The following TRHR variants were observed in gnomAD, a reference collection of about 807,000 sequenced individuals.
The protein encoded by TRHR is thyrotropin releasing hormone receptor.
In TRHR, 14 loss-of-function variants were observed where a neutral mutation model predicts 28.0. The ratio of observed to expected loss-of-function variants is 0.50; its 90% CI spans 0.33 to 0.78. TRHR has a LOEUF of 0.78. Among genes scored for constraint, TRHR ranks in the 30% least tolerant of loss-of-function variants. TRHR has a pLI of 0.02. For missense variants in TRHR, 438 were observed against 469.5 expected (o/e 0.93, Z 0.62); for synonymous variants, 176 against 171.9 (o/e 1.02, Z -0.18).
At chr8:109,100,261 T>C (rs1811657479) in intron 2 of TRHR, among the ~76,000 whole-genome samples, 1 of 152,156 alleles carries the variant, frequency 6.6e-6, no homozygotes, top group Non-Finnish European at 1.5e-5. Context: ...AGATTCAGAG[T>C]ATATTTACGG....
chr8:109,090,861 G>A (rs1478954927), intron 2 of TRHR, among the ~76,000 whole-genome samples: 5 of 152,216 alleles, frequency 3.3e-5, no homozygotes, highest in Admixed American at 3.3e-4. Context: ...GAGCGACTTA[G>A]TTGTCTGAAA....
intron 2 of TRHR, 58 bp from the exon 3 acceptor site, chr8:109,118,990 G>T: frequency 1.2e-6 from 2 of 1,605,092 alleles, no homozygotes; most frequent in South Asian, 2.2e-5. Context: ...GAGAAGAAAG[G>T]GGGTTTTGTT....
rs1374594032 is a variant in TRHR, at chr8:109,087,739, T to A, written c.227T>A (p.Val76Glu). Residue 76 changes from valine (V) to glutamate (E), a missense_variant, in exon 2 of 3, where the codon GTG (valine) becomes GAG (glutamate). Val to Glu is a moderately radical substitution (Grantham distance 121). Coordinates refer to ENST00000518632, the MANE Select transcript of TRHR (RefSeq NM_003301.7). Reference protein sequence around the residue: ...SLAVADLMVLVAAGLPNITDS... With the variant: ...SLAVADLMVLEAAGLPNITDS... Reference sequence around the variant, plus strand: ...GCAGTAGCTGATCTCATGGTCTTGGTGGCCGCAGGCCTCCCCAACATAACA... The same window carrying A: ...GCAGTAGCTGATCTCATGGTCTTGGAGGCCGCAGGCCTCCCCAACATAACA... 6.2e-7 allele frequency: 1 copy of A among 1,614,178 alleles called. No homozygotes were observed. Among genetic ancestry groups the A allele is most frequent in the African/African-American group, 1.3e-5 (1 of 75,054 alleles).
At position 109,088,034 on chromosome 8, in the gene TRHR, T is replaced by C; in HGVS notation, c.522T>C (p.Ala174=). The C allele has an allele frequency of 2.5e-6, 4 of 1,614,142 alleles. No individual in the cohort carries two copies. Among genetic ancestry groups the C allele is most frequent in the Non-Finnish European group, 3.4e-6 (4 of 1,180,024 alleles). ...LDLNISTYKD[A]IVISCGYKIS... is the part of the protein sequence containing the mutation. ...TCAATATTAGCACCTACAAAGATGCTATTGTGATATCCTGTGGCTACAAGA... is the reference window on the plus strand; with the variant it reads ...TCAATATTAGCACCTACAAAGATGCCATTGTGATATCCTGTGGCTACAAGA... Residue 174 remains alanine, a synonymous_variant, in exon 2 of 3, where the codon GCT becomes GCC. Transcript: ENST00000518632.
At chr8:109,089,158 T>C (rs576521964) in intron 2 of TRHR, among the ~76,000 whole-genome samples, 2 of 152,240 alleles carry the variant, frequency 1.3e-5, no homozygotes, top group Non-Finnish European at 2.9e-5. Flanking sequence ...CATTTATCTA[T>C]ATACAATTGT....
chr8:109,102,451 C>G (rs899939225), intron 2 of TRHR, among the ~76,000 whole-genome samples: 1 of 152,016 alleles, frequency 6.6e-6, no homozygotes, highest in African/African-American at 2.4e-5. Context: ...GTCTGCAGCA[C>G]CTAGCACAGT....
intron 2 of TRHR, among the ~76,000 whole-genome samples, chr8:109,094,889 A>G (rs1811566233): frequency 6.6e-6 from 1 of 152,038 alleles, no homozygotes; most frequent in Non-Finnish European, 1.5e-5. Context: ...GAAGATGACA[A>G]ACTACTTTAT....
At chr8:109,104,801 T>G (rs1811725359) in intron 2 of TRHR, among the ~76,000 whole-genome samples, 1 of 151,986 alleles carries the variant, frequency 6.6e-6, no homozygotes, top group South Asian at 2.1e-4. Flanking sequence ...TATTTAAATA[T>G]TCTAGCCTAA....
chr8:109,119,351 A>G lies in TRHR; in HGVS notation c.1093A>G (p.Thr365Ala). The G allele has an allele frequency of 1.9e-6, 3 of 1,612,456 alleles. No homozygotes were observed. Among genetic ancestry groups the G allele is most frequent in the Non-Finnish European group, 2.5e-6 (3 of 1,179,030 alleles). The change falls in exon 3 of 3, where the codon ACA becomes GCA. Residue 365 changes from threonine (T) to alanine (A), a missense_variant. Coordinates refer to ENST00000518632, the MANE Select transcript of TRHR (RefSeq NM_003301.7). ...CATCAAGGAGTCAGACCATTTCAGC[A>G]CAGAGCTTGATGATATCACTGTCAC... ...SVIKESDHFSTELDDITVTDT... is the reference protein window; with the variant it reads ...SVIKESDHFSAELDDITVTDT...
chr8:109,092,764 C>T (rs773320462), intron 2 of TRHR, among the ~76,000 whole-genome samples: 29 of 151,906 alleles, frequency 1.9e-4, no homozygotes, highest in Non-Finnish European at 2.5e-4. Flanking sequence ...AAGTAATGCA[C>T]GCCTTTTGCT....
At position 109,087,664 on chromosome 8, in the gene TRHR, T is replaced by A; in HGVS notation, c.152T>A (p.Met51Lys). The A allele has an allele frequency of 6.2e-7, 1 of 1,614,124 alleles. No homozygotes were observed. The highest frequency in any genetic ancestry group is 2.2e-5 in the East Asian group (1 of 44,856). ...AACATCATGGTAGTCCTGGTTGTCA[T>A]GAGAACCAAGCACATGAGGACCCCC... ...VGNIMVVLVVMRTKHMRTPTN... is the reference protein window; with the variant it reads ...VGNIMVVLVVKRTKHMRTPTN... Residue 51 changes from methionine to lysine, a missense_variant, in exon 2 of 3, where the codon ATG becomes AAG. Coordinates refer to ENST00000518632, the MANE Select transcript of TRHR (RefSeq NM_003301.7).
intron 2 of TRHR, among the ~76,000 whole-genome samples, chr8:109,113,087 G>A (rs770883420): frequency 3.9e-5 from 6 of 152,090 alleles, no homozygotes; most frequent in Non-Finnish European, 7.4e-5. Flanking sequence ...AGAAATAAAA[G>A]AGGCAGATGT....
At chr8:109,116,949 T>C (rs895262043) in intron 2 of TRHR, among the ~76,000 whole-genome samples, 3 of 151,986 alleles carry the variant, frequency 2.0e-5, no homozygotes, top group African/African-American at 2.4e-5. Context: ...ACAGGAGAGA[T>C]ACTAACCTTG....
At chr8:109,105,347 CAG>C (rs905806299) in intron 2 of TRHR, among the ~76,000 whole-genome samples, 1 of 152,104 alleles carries the variant, frequency 6.6e-6, no homozygotes, top group Admixed American at 6.6e-5. Flanking sequence ...AAATGAGGTG[CAG>C]AGATAGAGGC....
intron 2 of TRHR, among the ~76,000 whole-genome samples, chr8:109,118,410 T>G (rs1483879335): frequency 6.6e-6 from 1 of 151,874 alleles, no homozygotes. Flanking sequence ...ATTTTACAGA[T>G]GAGCTATAAG....
chr8:109,110,595 C>G (rs1222876436), intron 2 of TRHR, among the ~76,000 whole-genome samples: 1 of 152,138 alleles, frequency 6.6e-6, no homozygotes, highest in Non-Finnish European at 1.5e-5. Context: ...AGGTTCAGTA[C>G]TTGACAAGCG....
rs1811998755 is a variant in TRHR, at chr8:109,120,888, C to A, written c.*1433C>A. 6.6e-6 allele frequency among the ~76,000 whole-genome samples: 1 copy of A among 151,494 alleles called. No individual in the cohort carries two copies. The highest frequency in any genetic ancestry group is 1.5e-5 in the Non-Finnish European group (1 of 67,716). On this transcript the variant is annotated 3_prime_UTR_variant, in exon 3 of 3. Transcript: ENST00000518632. ...GAGTAGATCAAAAAAGTACCCATAC[C>A]TTTACATGCCCGTAGGCTGTCATTT...
In TRHR at chr8:109,119,549, A is replaced by G; in HGVS notation, c.*94A>G. 1.4e-6 allele frequency: 2 copies of G among 1,453,478 alleles called. No homozygotes were observed. The highest frequency in any genetic ancestry group is 1.9e-6 in the Non-Finnish European group (2 of 1,058,032). The allele number at this position is 1,453,478 out of a possible 1,614,324, so 90.0% of individuals were successfully genotyped here. On this transcript the variant is annotated 3_prime_UTR_variant, in exon 3 of 3. Transcript: ENST00000518632. ...ACATGGCCAATAGTCATATGTGAAG[A>G]CAGAGCAGATCAGTCTTTGTCAATG...
intron 2 of TRHR, among the ~76,000 whole-genome samples, chr8:109,109,637 C>T (rs969240822): frequency 2.6e-5 from 4 of 152,122 alleles, no homozygotes; most frequent in African/African-American, 9.7e-5. Context: ...CTGCATAGTT[C>T]CTGTCTCACA....
Sources: allele counts gnomAD v4.1 joint callset (sites outside exome capture counted in the v4.1 genomes callset), GRCh38; gene constraint gnomAD v4.1.1; transcripts MANE v1.5; gene names NCBI Gene and HGNC (gene_info 2026-07-23, HGNC 2026-07-21).